Variants in TOP1MT observed in about 807,000 individuals in gnomAD.
TOP1MT encodes DNA topoisomerase I, mitochondrial.
Under a neutral mutation model 73.9 loss-of-function variants are expected in TOP1MT, and 80 were observed. The ratio of observed to expected loss-of-function variants is 1.08; its 90% CI spans 0.90 to 1.30. The LOEUF is 1.30. Among genes scored for constraint, TOP1MT ranks in the 50% most tolerant of loss-of-function variants. The pLI, the probability that TOP1MT is intolerant of heterozygous loss-of-function variation, is 0.00. For synonymous variants in TOP1MT, 338 were observed against 326.4 expected, an observed-to-expected ratio of 1.04 and a Z score of -0.38; for missense variants, 815 against 808.0, an observed-to-expected ratio of 1.01 and a Z score of -0.10.
upstream of TOP1MT, among the ~76,000 whole-genome samples, chr8:143,347,152 TTTTTG>T (rs1817238017): frequency 6.6e-6 from 1 of 151,122 alleles, no homozygotes; most frequent in Admixed American, 6.6e-5. Context: ...ACCCGGCTAA[TTTTTG>T]TTTTGTTTTG....
At position 143,341,942 on chromosome 8, in the gene TOP1MT, GCT is replaced by G. The variant is rs36129967; in HGVS notation, c.29+1276_29+1277del. 2.7e-3 allele frequency among the ~76,000 whole-genome samples: 388 copies of G among 142,156 alleles called. 1 individual carries two copies. The highest frequency in any genetic ancestry group is 0.01 in the South Asian group (48 of 4,702). The allele number at this position is 142,156 out of a possible 152,430, so 93.3% of individuals were successfully genotyped here. A position where few individuals can be genotyped will look rare whatever the true frequency, so the allele number is the denominator to read the frequency against. On this transcript the variant is annotated intron_variant, in intron 2 of 5. Coordinates refer to the TOP1MT transcript ENST00000518007. This position sits in a 1 kb window ranked among gnomAD's most constrained non-coding sequence, Gnocchi z 4.1. ...ATTATTATTATTGAGACAGAGTCTCGCTCTGTTATTATTATTATTAGAGACAG... is the reference window on the plus strand; with the variant it reads ...ATTATTATTATTGAGACAGAGTCTCGCTGTTATTATTATTATTAGAGACAG...
chr8:143,319,326 G>C (rs544856214), intron 8 of TOP1MT, among the ~76,000 whole-genome samples: 5 of 151,246 alleles, frequency 3.3e-5, no homozygotes, highest in Non-Finnish European at 5.9e-5. Flanking sequence ...ACTAGGTCTG[G>C]CTCTGTCACT....
intron 12 of TOP1MT, among the ~76,000 whole-genome samples, chr8:143,310,982 G>A (rs915307963): frequency 3.2e-4 from 45 of 142,336 alleles, no homozygotes; most frequent in African/African-American, 8.9e-4. Flanking sequence ...TTTTTGAGAC[G>A]GAGTCTTGCT....
At chr8:143,336,323 A>G (rs1163531400), upstream of TOP1MT, among the ~76,000 whole-genome samples, 1 of 152,192 alleles carries the variant, frequency 6.6e-6, no homozygotes, top group Non-Finnish European at 1.5e-5. Context: ...GGAGTGTGGC[A>G]GGACAAAAAC....
intron 3 of TOP1MT, among the ~76,000 whole-genome samples, chr8:143,329,128 C>T (rs1280708931): frequency 6.6e-6 from 1 of 152,164 alleles, no homozygotes; most frequent in Non-Finnish European, 1.5e-5. Flanking sequence ...CTAGGCTGGA[C>T]ACACTGGCAC....
At chr8:143,331,075 C>G (rs1816840390) in intron 2 of TOP1MT, 149 bp downstream of exon 2, 7 of 574,306 alleles carry the variant, frequency 1.2e-5, no homozygotes, top group Non-Finnish European at 2.1e-5. Flanking sequence ...GGTCAGCAGC[C>G]CCCACGCATC....
chr8:143,333,860 C>T (rs560917155), intron 1 of TOP1MT: 4 of 152,538 alleles, frequency 2.6e-5, no homozygotes, highest in East Asian at 1.9e-4. Flanking sequence ...CAGCTCCAAG[C>T]GCAGGCCAGA....
At chr8:143,347,695 GCCAGC>G (rs561878133), upstream of TOP1MT, among the ~76,000 whole-genome samples, 524 of 34,720 alleles carry the variant, frequency 0.015, 2 homozygotes, top group East Asian at 0.14. Context: ...CAGGCAGCCA[GCCAGC>G]CAGCCAGCCA....
intron 12 of TOP1MT, among the ~76,000 whole-genome samples, chr8:143,313,409 G>A (rs1816064761): frequency 6.6e-6 from 1 of 151,726 alleles, no homozygotes; most frequent in African/African-American, 2.4e-5. Context: ...AATTAGCCAG[G>A]TATAGTGGTG....
intron 10 of TOP1MT, among the ~76,000 whole-genome samples, chr8:143,316,977 G>A (rs12676285): frequency 6.6e-6 from 1 of 152,072 alleles, no homozygotes; most frequent in African/African-American, 2.4e-5. Flanking sequence ...CACAGCCCCA[G>A]TGCTGCCCCA....
At chr8:143,327,650 CT>C in intron 3 of TOP1MT, 1 of 298,704 alleles carries the variant, frequency 3.3e-6, no homozygotes, top group East Asian at 1.0e-4. Context: ...CACTGCCTCC[CT>C]TCCTAGCTCT....
At chr8:143,312,123 G>A (rs1271583597) in intron 12 of TOP1MT, among the ~76,000 whole-genome samples, 4 of 152,070 alleles carry the variant, frequency 2.6e-5, no homozygotes, top group South Asian at 2.1e-4. Context: ...GAGCCCAGGA[G>A]TTCAAGACCA....
chr8:143,329,742 G>A (rs543521322), intron 2 of TOP1MT, among the ~76,000 whole-genome samples: 24 of 152,196 alleles, frequency 1.6e-4, no homozygotes, highest in Admixed American at 3.9e-4. Context: ...ACCACTTAAC[G>A]TTGCTACTAC....
chr8:143,329,467 C>A lies in TOP1MT; in HGVS notation c.243G>T (p.Arg81Ser), dbSNP rs945275802. ...CCGCTGCCACGCTCAATCTCACAGG[C>A]CTTCCTGCAGGCATCGGAAGACACA... ...PDGVRFFYEG[R>S]PVRLSVAAEE... Residue 81 changes from arginine (R) to serine (S), a missense_variant, in exon 3 of 14, where the codon AGG becomes AGT. Arg to Ser is a moderately radical substitution (Grantham distance 110). Around this residue, in one of 3 missense-constraint regions of TOP1MT, gnomAD observed 751 missense variants for 725.4 expected, o/e 1.04. Transcript: ENST00000329245. The A allele has an allele frequency of 1.2e-6, 2 of 1,608,860 alleles. No homozygotes were observed. The highest frequency in any genetic ancestry group is 1.7e-6 in the Non-Finnish European group (2 of 1,178,668).
At position 143,324,490 on chromosome 8, in the gene TOP1MT, G is replaced by C; in HGVS notation, c.811C>G (p.Leu271Val). 1 of 1,613,936 alleles carries C rather than the reference G, an allele frequency of 6.2e-7. No homozygotes were observed. Among genetic ancestry groups the C allele is most frequent in the South Asian group, 1.1e-5 (1 of 91,086 alleles). ...CTGCCAAGCCCTGCGCTCACCTTCA[G>C]CTTCGAGCAAGGGTTCAGCATGATG... is the stretch of plus-strand genomic sequence containing the variant. ...KYIMLNPCSK[L>V]KGETAWQKFE... The change falls in exon 6 of 14, where the codon CTG becomes GTG. Residue 271 changes from leucine to valine, a missense_variant. This residue lies in a region of TOP1MT where 751 missense variants were observed against 725.4 expected (regional missense o/e 1.04). Transcript: ENST00000329245.
intron 12 of TOP1MT, among the ~76,000 whole-genome samples, chr8:143,315,123 A>G (rs1816120436): frequency 6.6e-6 from 1 of 152,028 alleles, no homozygotes; most frequent in African/African-American, 2.4e-5. Context: ...TCCCCAGGGG[A>G]GTTTAGAGAA....
rs147333453 is a variant in TOP1MT at position 143,324,106 on chromosome 8, G to A, written c.853C>T (p.Arg285Cys). The change falls in exon 7 of 14, where the codon CGC becomes TGC. Residue 285 changes from arginine (R) to cysteine (C), a missense_variant. Physicochemically the swap from Arg to Cys is radical, Grantham distance 180 (BLOSUM62 -3). Coordinates refer to ENST00000329245, the MANE Select transcript of TOP1MT (RefSeq NM_052963.3). ...TAWQKFETARRLRGFVDEIRS... is the reference protein window; with the variant it reads ...TAWQKFETARCLRGFVDEIRS... ...ATCTCGTCCACAAATCCCCGCAGGC[G>A]TCGAGCTGTTTCAAACTTCTGCCAA... 17 of 1,613,816 alleles carry A rather than the reference G, an allele frequency of 1.1e-5. No individual in the cohort carries two copies. Among genetic ancestry groups the A allele is most frequent in the Middle Eastern group, 1.6e-4 (1 of 6,062 alleles).
chr8:143,311,561 C>CA (rs1816015064), intron 12 of TOP1MT, among the ~76,000 whole-genome samples: 1 of 152,092 alleles, frequency 6.6e-6, no homozygotes, highest in African/African-American at 2.4e-5. Flanking sequence ...TCCTGGCTAA[C>CA]ATGGTGAAAC....
chr8:143,310,766 C>T (rs1009677632), intron 12 of TOP1MT, among the ~76,000 whole-genome samples: 1 of 152,172 alleles, frequency 6.6e-6, no homozygotes, highest in Non-Finnish European at 1.5e-5. Context: ...TGCAAAAATA[C>T]GGCTGAGAAT....
Sources: allele counts gnomAD v4.1 joint callset (sites outside exome capture counted in the v4.1 genomes callset), GRCh38; gene constraint gnomAD v4.1.1; regional missense constraint gnomAD v4.1.1; non-coding constraint Gnocchi (gnomAD v3.1); transcripts MANE v1.5; gene names NCBI Gene and HGNC (gene_info 2026-07-23, HGNC 2026-07-21).